Variants in STT3A observed in about 807,000 individuals in gnomAD.
STT3A encodes the protein dolichyl-diphosphooligosaccharide--protein glycosyltransferase subunit STT3A.
A neutral mutation model predicts 89.2 loss-of-function variants in STT3A; 34 were observed. That is an observed-to-expected ratio of 0.38 (90% CI 0.29 to 0.51). The LOEUF (loss-of-function observed/expected upper bound fraction) is 0.51. Among genes scored for constraint, STT3A ranks in the 20% least tolerant of loss-of-function variants. STT3A has a pLI of 0.89. For synonymous variants in STT3A, 282 were observed against 310.3 expected (o/e 0.91, Z 0.96); for missense variants, 555 against 889.5 (o/e 0.62, Z 4.78).
At position 125,597,063 on chromosome 11, in the gene STT3A, C is replaced by T. The variant is rs138235571; in HGVS notation, c.93C>T (p.Phe31=). 7.4e-6 allele frequency: 12 copies of T among 1,613,918 alleles called. No homozygotes were observed. Among genetic ancestry groups the T allele is most frequent in the Non-Finnish European group, 1.0e-5 (12 of 1,180,016 alleles). The change falls in exon 3 of 18, where the codon TTC becomes TTT. Residue 31 remains phenylalanine (F), a synonymous_variant. Transcript: ENST00000392708. ...TTAACTCTCTGGTTTTTGCAGCCTT[C>T]TCCACTCGTCTGTTTGCTGTCCTGA... ...LILSMAAVLS[F]STRLFAVLRF...
Position 125,602,333 on chromosome 11 carries a change from G to A in STT3A, c.180G>A (p.Leu60=). The stretch of plus-strand genomic sequence containing the variant: ...TTAATTATCGGACTACCAGGTTCCT[G>A]GCTGAGGAGGGGTTTTATAAATTCC... The part of the protein sequence containing the change: ...PYFNYRTTRF[L]AEEGFYKFHN... Residue 60 remains leucine, a synonymous_variant, in exon 4 of 18, where the codon CTG becomes CTA. Transcript: ENST00000392708. 6.2e-7 allele frequency: 1 copy of A among 1,613,838 alleles called. No homozygotes were observed. The highest frequency in any genetic ancestry group is 8.5e-7 in the Non-Finnish European group (1 of 1,179,926).
intron 3 of STT3A, among the ~76,000 whole-genome samples, chr11:125,598,224 AAAAG>A (rs1939556658): frequency 1.3e-5 from 2 of 152,256 alleles, no homozygotes; most frequent in African/African-American, 4.8e-5. Flanking sequence ...AAAAAAAAGA[AAAAG>A]AAAAAAGAAA....
chr11:125,609,218 A>G (rs1320985968), intron 9 of STT3A, among the ~76,000 whole-genome samples: 1 of 152,228 alleles, frequency 6.6e-6, no homozygotes, highest in East Asian at 1.9e-4. Flanking sequence ...GTTTATATAC[A>G]GCCTGGCTTT....
chr11:125,603,065 G>C, intron 5 of STT3A, 117 bp downstream of exon 5: 1 of 1,280,210 alleles, frequency 7.8e-7, no homozygotes, highest in African/African-American at 1.5e-5. Flanking sequence ...GGTGAAGACA[G>C]CTTTTACTGG....
At position 125,620,890 on chromosome 11, in the gene STT3A, T is replaced by TTC; in HGVS notation, c.*81_*82insCT. On this transcript the variant is annotated 3_prime_UTR_variant, in exon 18 of 18. Coordinates refer to ENST00000392708, the MANE Select transcript of STT3A (RefSeq NM_152713.5). ...TGAAGATTTTTTTTTTTTTTTTTTT[T>TTC]TAATATGCAGTTTGTAAGAACAAAA... 1 of 1,235,172 alleles carries TTC rather than the reference T, an allele frequency of 8.1e-7. No individual in the cohort carries two copies. The highest frequency in any genetic ancestry group is 1.1e-6 in the Non-Finnish European group (1 of 883,640). 76.5% of individuals were successfully genotyped at this position (1,235,172 alleles called of 1,614,324 possible).
At chr11:125,611,926 G>A (rs1031423517) in intron 11 of STT3A, among the ~76,000 whole-genome samples, 3 of 130,808 alleles carry the variant, frequency 2.3e-5, no homozygotes, top group Admixed American at 9.3e-5. Context: ...TGCCCAGGCT[G>A]GAGAGCAGTG....
rs535898656 is a variant in STT3A, at chr11:125,600,226, T to C, written c.150-2077T>C. On this transcript the variant is annotated intron_variant, in intron 3 of 17. Coordinates refer to ENST00000392708, the MANE Select transcript of STT3A (RefSeq NM_152713.5). ...CCACCACGCCTGGCTAATTTTGTAT[T>C]TTTAGTAGAGACAGGGTTTCTCCAT... Among the ~76,000 whole-genome samples the C allele has an allele frequency of 1.9e-4, 29 of 152,066 alleles. 1 individual carries two copies. Among genetic ancestry groups the C allele is most frequent in the African/African-American group, 6.5e-4 (27 of 41,484 alleles).
chr11:125,597,481 A>G (rs1939531540), intron 3 of STT3A, among the ~76,000 whole-genome samples: 1 of 152,148 alleles, frequency 6.6e-6, no homozygotes, highest in African/African-American at 2.4e-5. Context: ...AACTCAAAAA[A>G]TGTGAGAGGC....
chr11:125,597,208 T>G, intron 3 of STT3A, 89 bp downstream of exon 3: 1 of 1,311,612 alleles, frequency 7.6e-7, no homozygotes, highest in African/African-American at 1.5e-5. Context: ...CAGCTCTCAG[T>G]GATAGAGATG....
chr11:125,605,375 C>T (rs1318001882), intron 6 of STT3A, among the ~76,000 whole-genome samples: 2 of 152,114 alleles, frequency 1.3e-5, no homozygotes, highest in Non-Finnish European at 2.9e-5. Context: ...CCAATATTTA[C>T]TTAATGTTTA....
intron 9 of STT3A, 187 bp downstream of exon 9, chr11:125,608,476 G>A (rs1033128897): frequency 3.1e-4 from 147 of 478,996 alleles, no homozygotes; most frequent in Non-Finnish European, 4.2e-4. Flanking sequence ...CACCGCGCCC[G>A]CCACCACGCC....
Position 125,605,732 on chromosome 11 carries a change from C to T in STT3A, c.612C>T (p.Tyr204=). Residue 204 remains tyrosine (Y), a synonymous_variant, in exon 7 of 18, where the codon TAC becomes TAT. Coordinates refer to ENST00000392708, the MANE Select transcript of STT3A (RefSeq NM_152713.5). ...CTAAGTGTGCCCTTGCTTATTTCTA[C>T]ATGGTAACTTTTTCTACATGTTTTC... is the stretch of plus-strand genomic sequence containing the variant. ...WAAKCALAYF[Y]MVSSWGGYVF... 5 of 1,612,130 alleles carry T rather than the reference C, an allele frequency of 3.1e-6. No homozygotes were observed. Among genetic ancestry groups the T allele is most frequent in the Non-Finnish European group, 4.2e-6 (5 of 1,178,752 alleles).
chr11:125,599,739 T>A (rs1028303485), intron 3 of STT3A, among the ~76,000 whole-genome samples: 1 of 147,638 alleles, frequency 6.8e-6, no homozygotes, highest in African/African-American at 2.5e-5. Flanking sequence ...ATTATTATTA[T>A]TATTTTTTGA....
chr11:125,599,265 A>C (rs962752403), intron 3 of STT3A, among the ~76,000 whole-genome samples: 12 of 152,210 alleles, frequency 7.9e-5, no homozygotes, highest in African/African-American at 2.9e-4. Context: ...GATTTCTGCC[A>C]TCTGTTGCTT....
chr11:125,616,164 G>A (rs1940175375), intron 15 of STT3A, among the ~76,000 whole-genome samples: 1 of 152,094 alleles, frequency 6.6e-6, no homozygotes, highest in African/African-American at 2.4e-5. Context: ...TTGTTTCCAG[G>A]ACACCCCCAC....
At chr11:125,608,313 T>C (rs749025505) in intron 9 of STT3A, 24 bp downstream of exon 9, 1 of 1,565,014 alleles carries the variant, frequency 6.4e-7, no homozygotes, top group Non-Finnish European at 8.6e-7. Context: ...ACAGCTTTTT[T>C]CCTTTTTTCT....
chr11:125,612,783 C>CTGTGTG, intron 12 of STT3A, 36 bp downstream of exon 12: 1 of 1,565,022 alleles, frequency 6.4e-7, no homozygotes, highest in Non-Finnish European at 8.7e-7. Flanking sequence ...TTGGGAAACT[C>CTGTGTG]TGTGTGTGTG....
chr11:125,593,153 G>A (rs543502926), intron 1 of STT3A: 1 of 153,206 alleles, frequency 6.5e-6, no homozygotes, highest in Admixed American at 6.5e-5. Flanking sequence ...GGAAAGACTG[G>A]GTCCTGGGAC....
chr11:125,604,276 C>G (rs756191030), intron 6 of STT3A, 29 bp downstream of exon 6: 1 of 1,603,906 alleles, frequency 6.2e-7, no homozygotes, highest in South Asian at 1.1e-5. Flanking sequence ...TGAAGAAGAT[C>G]ATCTCACCTC....
Sources: allele counts gnomAD v4.1 joint callset (sites outside exome capture counted in the v4.1 genomes callset), GRCh38; gene constraint gnomAD v4.1.1; transcripts MANE v1.5; gene names NCBI Gene and HGNC (gene_info 2026-07-23, HGNC 2026-07-21).